The following BCORL1 variants were observed in gnomAD, a reference collection of about 807,000 sequenced individuals.
BCORL1 encodes BCL-6 corepressor-like protein 1.
A neutral mutation model predicts 87.6 loss-of-function variants in BCORL1; 7 were observed. That is an observed-to-expected ratio of 0.08 (90% CI 0.05 to 0.15). BCORL1 has a LOEUF of 0.15. Among genes scored for constraint, BCORL1 ranks in the 10% least tolerant of loss-of-function variants. BCORL1 has a pLI of 1.00. For synonymous variants in BCORL1, 591 were observed against 634.4 expected (o/e 0.93, Z 1.03); for missense variants, 1,215 against 1,499.7 (o/e 0.81, Z 3.13).
At chrX:130,044,335 T>G (rs2124559908) in intron 11 of BCORL1, among the ~76,000 whole-genome samples, 1 of 111,229 alleles carries the variant, frequency 9.0e-6, no homozygotes, top group African/African-American at 3.3e-5. Flanking sequence ...GGAGTCCAGC[T>G]GGGCAGAAAA....
chrX:130,043,784 A>ATATAT (rs1556131020), intron 11 of BCORL1, among the ~76,000 whole-genome samples: 2 of 15,971 alleles, frequency 1.3e-4, no homozygotes, highest in Non-Finnish European at 1.7e-4. Context: ...ATATATATAT[A>ATATAT]TTTTTTTTTT....
intron 2 of BCORL1, among the ~76,000 whole-genome samples, chrX:130,011,316 C>T (rs1288984907): frequency 1.8e-5 from 2 of 110,430 alleles, no homozygotes; most frequent in Non-Finnish European, 3.8e-5. Flanking sequence ...CGGCTCACTG[C>T]AACCTCCGCC....
At chrX:130,000,283 C>G (rs767490636) in intron 1 of BCORL1, among the ~76,000 whole-genome samples, 1 of 111,551 alleles carries the variant, frequency 9.0e-6, no homozygotes, top group Non-Finnish European at 1.9e-5. Flanking sequence ...AGCAATCCTC[C>G]CAGCTCAACC....
Position 130,025,327 on chromosome X carries a change from T to C in BCORL1, c.4026T>C (p.Thr1342=). 1.7e-6 allele frequency: 2 copies of C among 1,181,495 alleles called. No homozygotes were observed. Among genetic ancestry groups the C allele is most frequent in the Non-Finnish European group, 1.1e-6 (1 of 881,470 alleles). Residue 1342 remains threonine (T), a synonymous_variant, in exon 7 of 14, where the codon ACT becomes ACC. Coordinates refer to ENST00000540052, the MANE Select transcript of BCORL1 (RefSeq NM_001379451.1). ...GGCAGAAGAGCCGAAAATATCAGACTGGGGAGTACCTGACAGAGCAAGAAG... is the reference window on the plus strand; with the variant it reads ...GGCAGAAGAGCCGAAAATATCAGACCGGGGAGTACCTGACAGAGCAAGAAG... ...RRRQKSRKYQ[T]GEYLTEQEDE...
chrX:130,014,678 C>T lies in BCORL1; in HGVS notation c.1906C>T (p.Pro636Ser), dbSNP rs1569368992. The T allele has an allele frequency of 8.3e-7, 1 of 1,211,373 alleles. No homozygotes were observed. The highest frequency in any genetic ancestry group is 1.1e-6 in the Non-Finnish European group (1 of 895,434). Residue 636 changes from proline (P) to serine (S), a missense_variant, in exon 4 of 14, where the codon CCG becomes TCG. This residue lies in a region of BCORL1 where 861 missense variants were observed against 1,010.0 expected (regional missense o/e 0.85). Transcript: ENST00000540052. ...SKSNRQKLPL[P>S]NQRKTPPMPV... ...GTCCAACCGCCAGAAGCTTCCATTG[C>T]CGAACCAGCGCAAGACACCCCCCAT...
In BCORL1 at chrX:130,025,438, G is replaced by A. The variant is rs766702010; in HGVS notation, c.4078+59G>A. On this transcript the variant is annotated intron_variant, in intron 7 of 13. Transcript: ENST00000540052. Reference sequence around the variant, plus strand: ...GCCCGTTTGGCTTCTGGGAACCCTCGGGCATCTCTACGCCAGCCAAAGGCT... The same window carrying A: ...GCCCGTTTGGCTTCTGGGAACCCTCAGGCATCTCTACGCCAGCCAAAGGCT... 1.7e-4 allele frequency: 184 copies of A among 1,064,452 alleles called. No homozygotes were observed. In the East Asian group the frequency reaches 3.9e-3, roughly 22 times the overall value. The allele number at this position is 1,064,452 out of a possible 1,213,427, so 87.7% of individuals were successfully genotyped here.
intron 1 of BCORL1, among the ~76,000 whole-genome samples, chrX:130,003,249 A>C (rs1403193398): frequency 9.0e-6 from 1 of 110,876 alleles, no homozygotes; most frequent in Non-Finnish European, 1.9e-5. Flanking sequence ...TGTCTCCTTT[A>C]CAGCAAGGCC....
At chrX:130,047,227 C>T (rs1021192320) in intron 11 of BCORL1, among the ~76,000 whole-genome samples, 2 of 111,220 alleles carry the variant, frequency 1.8e-5, no homozygotes, top group Non-Finnish European at 3.8e-5. Flanking sequence ...TATCCATTTT[C>T]GTTCTTTGGG....
intron 1 of BCORL1, among the ~76,000 whole-genome samples, chrX:129,986,762 T>C (rs1603056033): frequency 9.0e-6 from 1 of 111,401 alleles, no homozygotes; most frequent in East Asian, 2.8e-4. Context: ...GAGGTTGCAG[T>C]GTGCCAAGAT....
At chrX:129,999,734 G>C (rs779675959) in intron 1 of BCORL1, among the ~76,000 whole-genome samples, 11 of 107,997 alleles carry the variant, frequency 1.0e-4, no homozygotes, top group African/African-American at 3.7e-4. Context: ...GAGTGCAGTG[G>C]TGCGATCTTG....
chrX:130,002,026 A>G (rs1928088068), intron 1 of BCORL1, among the ~76,000 whole-genome samples: 1 of 110,417 alleles, frequency 9.1e-6, no homozygotes, highest in Non-Finnish European at 1.9e-5. Context: ...AAGGCTGGAG[A>G]TGGCATTATT....
chrX:130,039,346 A>C, intron 11 of BCORL1, 64 bp downstream of exon 11: 1 of 1,163,442 alleles, frequency 8.6e-7, no homozygotes, highest in Middle Eastern at 2.4e-4. Flanking sequence ...TGAACTTGTG[A>C]GGACATCCTC....
chrX:130,039,082 G>T (rs761493494), intron 10 of BCORL1, 55 bp from the exon 11 acceptor site: 9 of 1,179,983 alleles, frequency 7.6e-6, no homozygotes, highest in Non-Finnish European at 9.2e-6. Context: ...CTTAAGTGTA[G>T]ACACCCCAGT....
At chrX:130,018,683 C>T (rs754410813) in intron 4 of BCORL1, among the ~76,000 whole-genome samples, 86 of 111,910 alleles carry the variant, frequency 7.7e-4, no homozygotes, top group African/African-American at 2.7e-3. Context: ...GGGCACTGCC[C>T]TATCCTATAT....
intron 9 of BCORL1, 145 bp from the exon 10 acceptor site, chrX:130,037,221 GT>G: frequency 3.4e-6 from 2 of 592,078 alleles, no homozygotes; most frequent in South Asian, 5.4e-5. Flanking sequence ...GACTGATGTT[GT>G]TAATGAAAGA....
chrX:129,988,853 T>G (rs1926828977), intron 1 of BCORL1, among the ~76,000 whole-genome samples: 1 of 111,841 alleles, frequency 8.9e-6, no homozygotes, highest in Admixed American at 9.5e-5. Context: ...AACAAGCAGA[T>G]TTTTGCTTTT....
intron 2 of BCORL1, among the ~76,000 whole-genome samples, chrX:130,008,596 C>G (rs1265775418): frequency 8.9e-6 from 1 of 111,930 alleles, no homozygotes; most frequent in Non-Finnish European, 1.9e-5. Flanking sequence ...CACTTTTGAT[C>G]TCATCCACCC....
intron 11 of BCORL1, among the ~76,000 whole-genome samples, chrX:130,049,638 G>A (rs895271694): frequency 2.7e-5 from 3 of 112,351 alleles, no homozygotes; most frequent in African/African-American, 9.7e-5. Context: ...GATTACAGGC[G>A]TGCGCCACTG....
Position 130,056,659 on chromosome X carries a change from T to C in BCORL1, c.*523T>C, listed in dbSNP as rs1333082892. 3 of 113,453 alleles carry C rather than the reference T, an allele frequency of 2.6e-5. No homozygotes were observed. The highest frequency in any genetic ancestry group is 9.7e-5 in the African/African-American group (3 of 31,085). The allele number at this position is 113,453 out of a possible 1,213,427, so 9.3% of individuals were successfully genotyped here. ...TGTGACGATTTGAGACAACTTGTTG[T>C]ATTGAGGGACTTTCTGTACCTCCTT... On this transcript the variant is annotated 3_prime_UTR_variant, in exon 14 of 14. Coordinates refer to ENST00000540052, the MANE Select transcript of BCORL1 (RefSeq NM_001379451.1).
Sources: gnomAD v4.1 joint callset for allele counts (sites outside exome capture counted in the v4.1 genomes callset) on GRCh38, gnomAD v4.1.1 for gene constraint, gnomAD v4.1.1 regional missense constraint, MANE v1.5 for transcripts, NCBI Gene and HGNC (gene_info 2026-07-23, HGNC 2026-07-21) for gene names.